RUNDC3B: variants seen among roughly 807,000 people sequenced by gnomAD.
RUNDC3B encodes RUN domain containing 3B.
A neutral mutation model predicts 58.4 loss-of-function variants in RUNDC3B; 33 were observed. That is an observed-to-expected ratio of 0.56 (90% confidence interval 0.43 to 0.75). The LOEUF is 0.75. Among genes scored for constraint, RUNDC3B ranks in the 30% least tolerant of loss-of-function variants. The pLI, the probability that RUNDC3B is intolerant of heterozygous loss-of-function variation, is 0.00. For synonymous variants in RUNDC3B, 193 were observed against 195.2 expected (o/e 0.99, Z 0.10); for missense variants, 501 against 535.7 (o/e 0.94, Z 0.64).
chr7:87,696,732 A>C lies in RUNDC3B; in HGVS notation c.239-3689A>C, dbSNP rs769406479. 4.6e-5 allele frequency among the ~76,000 whole-genome samples: 7 copies of C among 152,330 alleles called. No homozygotes were observed. The East Asian group carries it at 1.3e-3, about 29-fold the overall frequency. ...TCACATCTAATTTGTAGAGCAGATA[A>C]ATGTGTTATGAAGATCTTGGTGGTT... On this transcript the variant is annotated intron_variant, in intron 2 of 10. Coordinates refer to ENST00000394654, the MANE Select transcript of RUNDC3B (RefSeq NM_001134405.2).
At chr7:87,733,223 G>A (rs1831701909) in intron 4 of RUNDC3B, among the ~76,000 whole-genome samples, 1 of 152,140 alleles carries the variant, frequency 6.6e-6, no homozygotes, top group South Asian at 2.1e-4. Flanking sequence ...TGGGAATCTT[G>A]GTGATGTGAA....
chr7:87,668,554 T>C (rs1176662713), intron 2 of RUNDC3B, among the ~76,000 whole-genome samples: 2 of 152,142 alleles, frequency 1.3e-5, no homozygotes, highest in Non-Finnish European at 2.9e-5. Context: ...CCTAATTCTT[T>C]CAGTTGTGAA....
At chr7:87,793,651 C>CA (rs1563213766) in intron 8 of RUNDC3B, among the ~76,000 whole-genome samples, 1 of 151,998 alleles carries the variant, frequency 6.6e-6, no homozygotes, top group Non-Finnish European at 1.5e-5. Context: ...AAAAAACACT[C>CA]AAAAAACTGA....
At chr7:87,785,891 G>A (rs973226682) in intron 8 of RUNDC3B, among the ~76,000 whole-genome samples, 10 of 152,108 alleles carry the variant, frequency 6.6e-5, no homozygotes, top group African/African-American at 2.4e-4. Context: ...GTGGGTTGTG[G>A]GATCTTTTAT....
intron 4 of RUNDC3B, among the ~76,000 whole-genome samples, chr7:87,717,773 A>G (rs1271944640): frequency 6.6e-6 from 1 of 152,112 alleles, no homozygotes; most frequent in Admixed American, 6.6e-5. Flanking sequence ...GATAGTCCCA[A>G]TGATTTTGAA....
chr7:87,802,464 CA>C (rs899424249), intron 8 of RUNDC3B, among the ~76,000 whole-genome samples: 15 of 151,384 alleles, frequency 9.9e-5, no homozygotes, highest in Admixed American at 2.0e-4. Context: ...TAAATGGACA[CA>C]AAAAAAATTA....
intron 1 of RUNDC3B, among the ~76,000 whole-genome samples, chr7:87,644,045 G>C (rs1299233392): frequency 6.6e-6 from 1 of 152,074 alleles, no homozygotes; most frequent in Non-Finnish European, 1.5e-5. Context: ...TTTTAGTAGA[G>C]ATGGAGTTTC....
chr7:87,686,511 G>A (rs1281327580), intron 2 of RUNDC3B, among the ~76,000 whole-genome samples: 2 of 152,086 alleles, frequency 1.3e-5, no homozygotes, highest in Non-Finnish European at 2.9e-5. Context: ...CTGACTGGTA[G>A]GCCACATAGA....
At chr7:87,647,923 G>A (rs981648142) in intron 1 of RUNDC3B, among the ~76,000 whole-genome samples, 11 of 152,106 alleles carry the variant, frequency 7.2e-5, no homozygotes, top group Admixed American at 6.5e-4. Flanking sequence ...GGTGGCTCAT[G>A]CCTGTAATCC....
chr7:87,718,189 G>A (rs1830672618), intron 4 of RUNDC3B, among the ~76,000 whole-genome samples: 1 of 152,132 alleles, frequency 6.6e-6, no homozygotes, highest in Admixed American at 6.6e-5. Context: ...TGAAAAACAA[G>A]TATGAAAGTT....
At chr7:87,784,759 ATGT>A (rs1429213885) in intron 8 of RUNDC3B, among the ~76,000 whole-genome samples, 3 of 64,716 alleles carry the variant, frequency 4.6e-5, no homozygotes, top group Non-Finnish European at 5.6e-5. Flanking sequence ...TAGGGGGGAG[ATGT>A]TGTTGGGGGG....
intron 8 of RUNDC3B, among the ~76,000 whole-genome samples, chr7:87,804,659 G>A (rs979653780): frequency 6.6e-6 from 1 of 152,034 alleles, no homozygotes; most frequent in Non-Finnish European, 1.5e-5. Flanking sequence ...CTTAATGAGG[G>A]AATGAGAAAT....
At position 87,832,046 on chromosome 7, in the gene RUNDC3B, G is replaced by A. The variant is rs957763198; in HGVS notation, c.*2016G>A. ...TTTTCCTCCTTTCTTGGAGATCTTG[G>A]TATAAAATTCATCTGCTGTTATAAA... On this transcript the variant is annotated 3_prime_UTR_variant, in exon 11 of 11. Transcript: ENST00000394654. The A allele has an allele frequency of 2.6e-5, 4 of 151,766 alleles. No individual in the cohort carries two copies. The South Asian group carries it at 6.2e-4, about 24-fold the overall frequency. The allele number at this position is 151,766 out of a possible 1,614,324, so 9.4% of individuals were successfully genotyped here.
At chr7:87,749,307 A>G (rs999703792) in intron 6 of RUNDC3B, among the ~76,000 whole-genome samples, 3 of 152,230 alleles carry the variant, frequency 2.0e-5, no homozygotes, top group African/African-American at 7.2e-5. Context: ...ATGTACCATC[A>G]TAATTAAATT....
At chr7:87,737,544 A>G (rs1832060454) in intron 4 of RUNDC3B, among the ~76,000 whole-genome samples, 2 of 152,262 alleles carry the variant, frequency 1.3e-5, no homozygotes, top group South Asian at 4.1e-4. Flanking sequence ...TGATAAAAAT[A>G]TTATCTTCTC....
At chr7:87,819,720 AG>A (rs1415508978) in intron 10 of RUNDC3B, among the ~76,000 whole-genome samples, 1 of 152,240 alleles carries the variant, frequency 6.6e-6, no homozygotes, top group Non-Finnish European at 1.5e-5. Flanking sequence ...ACTAGAACTC[AG>A]GACTAAGAAA....
intron 10 of RUNDC3B, among the ~76,000 whole-genome samples, chr7:87,826,190 A>G (rs1474394083): frequency 6.6e-6 from 1 of 152,098 alleles, no homozygotes; most frequent in Non-Finnish European, 1.5e-5. Flanking sequence ...TTCCCACGTC[A>G]TGGGAGGAAC....
chr7:87,679,048 C>T (rs1331958872), intron 2 of RUNDC3B, among the ~76,000 whole-genome samples: 2 of 134,370 alleles, frequency 1.5e-5, no homozygotes, highest in Non-Finnish European at 3.1e-5. Flanking sequence ...ATGATCTTGG[C>T]AATATTATCA....
intron 2 of RUNDC3B, among the ~76,000 whole-genome samples, chr7:87,670,413 G>T (rs1825704222): frequency 6.6e-6 from 1 of 152,076 alleles, no homozygotes; most frequent in Admixed American, 6.6e-5. Context: ...ATTGGGTTTT[G>T]CCATCTTCCT....
Sources: allele counts gnomAD v4.1 joint callset (sites outside exome capture counted in the v4.1 genomes callset), GRCh38; gene constraint gnomAD v4.1.1; transcripts MANE v1.5; gene names NCBI Gene and HGNC (gene_info 2026-07-23, HGNC 2026-07-21).